Variants in MAML2 observed in about 807,000 individuals in gnomAD.
MAML2 encodes mastermind-like protein 2.
A neutral mutation model predicts 96.1 loss-of-function variants in MAML2; 22 were observed. The ratio of observed to expected loss-of-function variants is 0.23; its 90% CI spans 0.16 to 0.33. The LOEUF is 0.33. MAML2 is among the 10% of genes least tolerant of loss of function. The pLI, the probability that MAML2 is intolerant of heterozygous loss-of-function variation, is 1.00. For missense variants in MAML2, 1,367 were observed against 1,392.4 expected, an observed-to-expected ratio of 0.98 and a Z score of 0.29; for synonymous variants, 561 against 521.3, an observed-to-expected ratio of 1.08 and a Z score of -1.04.
intron 2 of MAML2, among the ~76,000 whole-genome samples, chr11:96,039,639 T>G (rs1047842774): frequency 1.3e-5 from 2 of 152,014 alleles, no homozygotes; most frequent in Non-Finnish European, 2.9e-5. Context: ...AAAGTAACCT[T>G]TAGACAGGCA....
intron 2 of MAML2, among the ~76,000 whole-genome samples, chr11:95,998,174 G>GTCTGTCTGTCTA (rs139615820): frequency 0.011 from 1,645 of 147,766 alleles, 27 homozygotes; most frequent in African/African-American, 0.038. Context: ...CTGTCTGTCT[G>GTCTGTCTGTCTA]TCTATCTATC....
chr11:96,141,872 G>A (rs1393199366), intron 1 of MAML2, among the ~76,000 whole-genome samples: 3 of 152,186 alleles, frequency 2.0e-5, no homozygotes, highest in Non-Finnish European at 4.4e-5. Flanking sequence ...TTACCAACAG[G>A]GCTGTCTCTG....
At chr11:96,137,273 G>C (rs1292679296) in intron 1 of MAML2, among the ~76,000 whole-genome samples, 3 of 152,202 alleles carry the variant, frequency 2.0e-5, no homozygotes, top group Admixed American at 1.3e-4. Context: ...CCTTGCACTT[G>C]GTTCTGGGGA....
intron 1 of MAML2, among the ~76,000 whole-genome samples, chr11:96,100,988 C>T (rs1444206330): frequency 6.6e-6 from 1 of 151,218 alleles, no homozygotes; most frequent in Non-Finnish European, 1.5e-5. Context: ...TCAAGGTGTC[C>T]TCCTGCCTTG....
chr11:96,259,400 C>A (rs1469229249), intron 1 of MAML2, among the ~76,000 whole-genome samples: 1 of 152,208 alleles, frequency 6.6e-6, no homozygotes, highest in Non-Finnish European at 1.5e-5. Flanking sequence ...TAATGTGCTT[C>A]GCTCCAATGC....
chr11:96,247,872 A>G (rs1862531425), intron 1 of MAML2, among the ~76,000 whole-genome samples: 1 of 152,052 alleles, frequency 6.6e-6, no homozygotes. Flanking sequence ...ACAACCTTCC[A>G]CCAACACATC....
At chr11:96,186,449 C>T (rs889789885) in intron 1 of MAML2, among the ~76,000 whole-genome samples, 6 of 152,058 alleles carry the variant, frequency 3.9e-5, no homozygotes, top group Admixed American at 2.6e-4. Context: ...ATTAGCCAAG[C>T]GTGGTGGTGC....
chr11:96,008,159 C>T (rs1014771693), intron 2 of MAML2, among the ~76,000 whole-genome samples: 1 of 152,070 alleles, frequency 6.6e-6, no homozygotes, highest in African/African-American at 2.4e-5. Flanking sequence ...TGATTAAAAC[C>T]TTGAATGTAA....
rs1857992611 is a variant in MAML2 at position 95,996,505 on chromosome 11, G to C, written c.2140-4782C>G. 4.6e-5 allele frequency among the ~76,000 whole-genome samples: 7 copies of C among 152,264 alleles called. No individual in the cohort carries two copies. The South Asian group carries it at 1.5e-3, about 32-fold the overall frequency. On this transcript the variant is annotated intron_variant, in intron 2 of 4. Transcript: ENST00000524717. ...TTCCAAATTTGAAACTGGTGCTTGGGTGAAGGGAGGTGCCCTGGTATGGAG... is the reference window on the plus strand; with the variant it reads ...TTCCAAATTTGAAACTGGTGCTTGGCTGAAGGGAGGTGCCCTGGTATGGAG...
chr11:96,123,495 G>A (rs934097544), intron 1 of MAML2, among the ~76,000 whole-genome samples: 8 of 152,206 alleles, frequency 5.3e-5, no homozygotes, highest in African/African-American at 9.6e-5. Context: ...TAGCCCACAC[G>A]TGTCTAGCTT....
At chr11:96,180,429 G>T (rs1241252384) in intron 1 of MAML2, among the ~76,000 whole-genome samples, 3 of 152,204 alleles carry the variant, frequency 2.0e-5, no homozygotes, top group East Asian at 1.9e-4. Context: ...GGATGCTTAT[G>T]CTGGGAATCC....
At chr11:96,005,226 ATTTAT>A (rs1858159003) in intron 2 of MAML2, among the ~76,000 whole-genome samples, 2 of 151,940 alleles carry the variant, frequency 1.3e-5, no homozygotes, top group African/African-American at 4.8e-5. Flanking sequence ...AAACATTAGC[ATTTAT>A]TTTAACTATT....
At chr11:96,305,495 C>G (rs55849502) in intron 1 of MAML2, among the ~76,000 whole-genome samples, 5,477 of 152,134 alleles carry the variant, frequency 0.036, 110 homozygotes, top group Non-Finnish European at 0.044. Flanking sequence ...ACTCAATTTT[C>G]TTGTGAACAT....
chr11:96,155,084 A>G (rs1043102913), intron 1 of MAML2, among the ~76,000 whole-genome samples: 2 of 152,152 alleles, frequency 1.3e-5, no homozygotes, highest in Non-Finnish European at 2.9e-5. Context: ...CTAGATGCCT[A>G]TGACTGGGTA....
At chr11:96,304,349 G>A (rs1386117864) in intron 1 of MAML2, among the ~76,000 whole-genome samples, 1 of 152,212 alleles carries the variant, frequency 6.6e-6, no homozygotes, top group Admixed American at 6.5e-5. Flanking sequence ...GGAATTTGGG[G>A]TGCCATTTAA....
intron 1 of MAML2, among the ~76,000 whole-genome samples, chr11:96,145,050 T>C (rs1279581865): frequency 6.6e-6 from 1 of 152,238 alleles, no homozygotes; most frequent in African/African-American, 2.4e-5. Context: ...TTAATACTAA[T>C]GGTTTTCAAG....
chr11:96,256,540 CT>C (rs1191346953), intron 1 of MAML2, among the ~76,000 whole-genome samples: 2 of 152,182 alleles, frequency 1.3e-5, no homozygotes, highest in African/African-American at 4.8e-5. Context: ...ATATTTCCCC[CT>C]ATACATGGGT....
At chr11:96,195,100 A>G (rs1591066235) in intron 1 of MAML2, among the ~76,000 whole-genome samples, 1 of 152,352 alleles carries the variant, frequency 6.6e-6, no homozygotes, top group East Asian at 1.9e-4. Flanking sequence ...TTTCTACTTC[A>G]CATTTTACCT....
chr11:95,998,800 G>A (rs1468213970), intron 2 of MAML2, among the ~76,000 whole-genome samples: 1 of 152,120 alleles, frequency 6.6e-6, no homozygotes, highest in Admixed American at 6.6e-5. Flanking sequence ...AGCTCACAAG[G>A]AAGCTGGATG....
Sources: gnomAD v4.1 joint callset for allele counts (sites outside exome capture counted in the v4.1 genomes callset) on GRCh38, gnomAD v4.1.1 for gene constraint, MANE v1.5 for transcripts, NCBI Gene and HGNC (gene_info 2026-07-23, HGNC 2026-07-21) for gene names.